The following SPAG16 variants were observed in gnomAD, a reference collection of about 807,000 sequenced individuals.
The protein encoded by SPAG16 is sperm associated antigen 16, also known as sperm-associated antigen 16 protein.
A neutral mutation model predicts 80.4 loss-of-function variants in SPAG16; 86 were observed. The ratio of observed to expected loss-of-function variants is 1.07; its 90% CI spans 0.90 to 1.28. The LOEUF is 1.28. SPAG16 is among the 50% of genes most tolerant of loss of function. SPAG16 has a pLI of 0.00. For synonymous variants in SPAG16, 294 were observed against 265.9 expected (o/e 1.11, Z -1.03); for missense variants, 870 against 765.3 (o/e 1.14, Z -1.61).
intron 15 of SPAG16, among the ~76,000 whole-genome samples, chr2:214,332,465 G>T (rs1160623150): frequency 6.6e-6 from 1 of 152,164 alleles, no homozygotes; most frequent in Non-Finnish European, 1.5e-5. Context: ...TCTGTCTATT[G>T]ACTTGTTGGT....
At chr2:214,140,935 G>T (rs1482602234) in intron 14 of SPAG16, among the ~76,000 whole-genome samples, 4 of 58 alleles carry the variant, frequency 0.069, no homozygotes, top group East Asian at 0.21. Flanking sequence ...CCCATTGGTG[G>T]GGGGGGGGGG....
intron 12 of SPAG16, among the ~76,000 whole-genome samples, chr2:213,960,038 G>T (rs533400915): frequency 6.6e-6 from 1 of 151,798 alleles, no homozygotes. Context: ...GCTTGTTGAC[G>T]TTCAGAGATC....
chr2:213,958,253 A>T (rs943788125), intron 12 of SPAG16, among the ~76,000 whole-genome samples: 1 of 152,100 alleles, frequency 6.6e-6, no homozygotes, highest in African/African-American at 2.4e-5. Context: ...TGTGACTGAG[A>T]GGTGGTTGCC....
intron 9 of SPAG16, among the ~76,000 whole-genome samples, chr2:213,467,578 G>A (rs1316698349): frequency 1.3e-5 from 2 of 152,252 alleles, no homozygotes; most frequent in Non-Finnish European, 2.9e-5. Context: ...CTGGACTGGA[G>A]AGGAGAACAG....
chr2:213,520,441 AAAATT>A (rs2075616476), intron 10 of SPAG16, among the ~76,000 whole-genome samples: 2 of 151,960 alleles, frequency 1.3e-5, no homozygotes, highest in Non-Finnish European at 1.5e-5. Context: ...AAAAAAAAAA[AAAATT>A]CGCTGGGCGT....
intron 10 of SPAG16, among the ~76,000 whole-genome samples, chr2:213,606,979 G>T (rs1390302772): frequency 1.3e-5 from 2 of 152,186 alleles, no homozygotes; most frequent in Non-Finnish European, 2.9e-5. Context: ...GAAGAAAACA[G>T]CAGAGACACG....
chr2:214,183,255 C>T (rs1471753799), intron 15 of SPAG16, among the ~76,000 whole-genome samples: 1 of 151,922 alleles, frequency 6.6e-6, no homozygotes, highest in South Asian at 2.1e-4. Context: ...CCATATCATG[C>T]CTAAATTTAC....
chr2:213,449,048 T>A (rs1159848549), intron 9 of SPAG16, among the ~76,000 whole-genome samples: 1 of 152,134 alleles, frequency 6.6e-6, no homozygotes, highest in Non-Finnish European at 1.5e-5. Flanking sequence ...TAGCAAGGAA[T>A]AATAATATTA....
chr2:214,355,880 G>A (rs1698759452), intron 15 of SPAG16, among the ~76,000 whole-genome samples: 1 of 150,936 alleles, frequency 6.6e-6, no homozygotes, highest in East Asian at 2.0e-4. Flanking sequence ...GTAGGGACAT[G>A]GATGAAATTG....
chr2:213,819,360 T>G (rs1181266169), intron 10 of SPAG16, among the ~76,000 whole-genome samples: 1 of 152,232 alleles, frequency 6.6e-6, no homozygotes, highest in Non-Finnish European at 1.5e-5. Flanking sequence ...AGCTCAAAAG[T>G]GGCACTAATT....
intron 1 of SPAG16, among the ~76,000 whole-genome samples, chr2:213,295,856 T>G (rs2062474663): frequency 2.0e-5 from 3 of 152,160 alleles, no homozygotes; most frequent in African/African-American, 7.2e-5. Context: ...GGATTTGAGT[T>G]GTGAAAAATA....
intron 6 of SPAG16, among the ~76,000 whole-genome samples, chr2:213,346,949 T>C (rs1185323971): frequency 1.3e-5 from 2 of 152,156 alleles, no homozygotes; most frequent in Non-Finnish European, 2.9e-5. Context: ...GGAATAGTTT[T>C]AGAAGGAATG....
At position 213,608,786 on chromosome 2, in the gene SPAG16, C is replaced by T. The variant is rs552947099; in HGVS notation, c.1070+118696C>T. Among the ~76,000 whole-genome samples the T allele has an allele frequency of 1.2e-4, 18 of 152,348 alleles. No homozygotes were observed. The South Asian group carries it at 2.1e-3, about 18-fold the overall frequency. On this transcript the variant is annotated intron_variant, in intron 10 of 15. Transcript: ENST00000331683. ...CTGCCAACTCCGCCTCCTGCGTTCA[C>T]GCCATTCTCCTGCCTCAGCCTCCCG... is the stretch of plus-strand genomic sequence containing the variant.
intron 15 of SPAG16, among the ~76,000 whole-genome samples, chr2:214,272,546 G>A (rs1046784105): frequency 6.6e-5 from 10 of 152,072 alleles, no homozygotes; most frequent in East Asian, 3.9e-4. Flanking sequence ...GCGGCGTTTG[G>A]TTTTCTGTGC....
At chr2:214,381,509 G>C (rs747839120) in intron 15 of SPAG16, among the ~76,000 whole-genome samples, 14 of 152,198 alleles carry the variant, frequency 9.2e-5, no homozygotes, top group Non-Finnish European at 1.8e-4. Flanking sequence ...TGAATAGGAG[G>C]CTGGAACATC....
chr2:214,096,806 G>T (rs2052621469), intron 13 of SPAG16, among the ~76,000 whole-genome samples: 1 of 151,950 alleles, frequency 6.6e-6, no homozygotes, highest in Non-Finnish European at 1.5e-5. Context: ...CATTTTAAAA[G>T]CTGCAATCAA....
intron 13 of SPAG16, among the ~76,000 whole-genome samples, chr2:214,076,513 C>G (rs906617510): frequency 1.4e-5 from 2 of 143,348 alleles, no homozygotes; most frequent in African/African-American, 2.6e-5. Context: ...TTATTTTATT[C>G]TGTGTGTGTG....
chr2:213,633,620 G>A (rs887714490), intron 10 of SPAG16, among the ~76,000 whole-genome samples: 8 of 152,068 alleles, frequency 5.3e-5, no homozygotes, highest in African/African-American at 1.4e-4. Context: ...TGAAAGTGGG[G>A]TGTTGATATC....
intron 10 of SPAG16, among the ~76,000 whole-genome samples, chr2:213,833,760 A>G (rs966730074): frequency 1.4e-5 from 2 of 147,948 alleles, no homozygotes; most frequent in African/African-American, 5.0e-5. Context: ...TCTTACTTCT[A>G]TATACATCTC....
Sources: gnomAD v4.1 joint callset for allele counts (sites outside exome capture counted in the v4.1 genomes callset) on GRCh38, gnomAD v4.1.1 for gene constraint, MANE v1.5 for transcripts, NCBI Gene and HGNC (gene_info 2026-07-23, HGNC 2026-07-21) for gene names.